Variants in TTLL8 observed in about 807,000 individuals in gnomAD.
TTLL8 encodes the protein tubulin tyrosine ligase like 8.
TTLL8 carries 65 observed loss-of-function variants against 77.8 expected under a neutral mutation model. That is an observed-to-expected ratio of 0.84 (90% CI 0.68 to 1.03). TTLL8 has a LOEUF of 1.03. Ranked by LOEUF, TTLL8 falls within the 50% of genes least tolerant of loss-of-function variation. TTLL8 has a pLI of 0.00. For synonymous variants in TTLL8, 402 were observed against 422.8 expected, an observed-to-expected ratio of 0.95 and a Z score of 0.60; for missense variants, 910 against 1,004.5, an observed-to-expected ratio of 0.91 and a Z score of 1.27.
exon 5 of TTLL8, chr22:50,045,968 G>T (rs759477140): frequency 2.2e-6 from 3 of 1,350,992 alleles, no homozygotes; most frequent in Middle Eastern, 2.1e-4. Flanking sequence ...CGCACAGCCC[G>T]ATCTCCAGAG....
chr22:50,045,514 G>C (rs1233416938), intron 5 of TTLL8, 125 bp from the exon 8 acceptor site: 1 of 834,226 alleles, frequency 1.2e-6, no homozygotes, highest in South Asian at 1.5e-5. Context: ...TGGGGCCCAG[G>C]CCTGCTCCCA....
At chr22:50,045,891 C>G in exon 5 of TTLL8, 2 of 1,360,260 alleles carry the variant, frequency 1.5e-6, no homozygotes, top group Non-Finnish European at 2.0e-6. Flanking sequence ...GGTGCAGAGG[C>G]TGTAGCAGCG....
chr22:50,045,960 C>T (rs2061408351), exon 5 of TTLL8: 1 of 1,355,744 alleles, frequency 7.4e-7, no homozygotes, highest in Non-Finnish European at 9.8e-7. Context: ...CATGTTCACG[C>T]ACAGCCCGAT....
intron 12 of TTLL8, among the ~76,000 whole-genome samples, chr22:50,028,583 CCATGCCCTCGTAAAGACCCCCAT>C: frequency 6.9e-6 from 1 of 144,680 alleles, no homozygotes. Context: ...AAGACCCCCA[CCATGCCCTCGTAAAGACCCCCAT>C]CACACCGTCC....
intron 4 of TTLL8, among the ~76,000 whole-genome samples, 155 bp from the exon 7 acceptor site, chr22:50,046,125 G>A (rs771603595): frequency 1.3e-5 from 2 of 152,214 alleles, no homozygotes; most frequent in Middle Eastern, 3.4e-3. Context: ...CCAGATATAC[G>A]GTCCCCCAGG....
chr22:50,030,440 G>A (rs1395269244), exon 12 of TTLL8: 3 of 1,332,244 alleles, frequency 2.3e-6, no homozygotes, highest in African/African-American at 1.5e-5. Context: ...CTTTTCCTCC[G>A]GGCGGCGGAC....
At chr22:50,027,223 G>A (rs1159751529) in intron 12 of TTLL8, among the ~76,000 whole-genome samples, 7 of 147,352 alleles carry the variant, frequency 4.8e-5, no homozygotes, top group African/African-American at 1.0e-4. Flanking sequence ...GAGACAGAAC[G>A]GGACTCCGTC....
At chr22:50,030,592 G>A (rs1378435722) in exon 12 of TTLL8, 1 of 1,299,726 alleles carries the variant, frequency 7.7e-7, no homozygotes, top group South Asian at 1.3e-5. Context: ...TGGCGACAGG[G>A]GCAGGCCGGG....
exon 12 of TTLL8, chr22:50,030,822 G>C (rs1366172845): frequency 2.2e-6 from 3 of 1,348,058 alleles, no homozygotes; most frequent in Non-Finnish European, 2.0e-6. Context: ...CGAGGCCGAG[G>C]CCTTGAGGTT....
chr22:50,054,813 T>C (rs1165524266), upstream of TTLL8, among the ~76,000 whole-genome samples: 1 of 152,128 alleles, frequency 6.6e-6, no homozygotes, highest in African/African-American at 2.4e-5. Flanking sequence ...ATCCCAGTAT[T>C]TTGGGAGGCC....
chr22:50,033,101 AG>A, intron 10 of TTLL8, 100 bp downstream of exon 11: 2 of 1,230,046 alleles, frequency 1.6e-6, no homozygotes, highest in Admixed American at 2.6e-5. Context: ...GGTGGCAGTG[AG>A]GGGGCCCTGC....
chr22:50,027,576 G>T (rs555849016), intron 12 of TTLL8: 16 of 922,512 alleles, frequency 1.7e-5, no homozygotes, highest in Non-Finnish European at 2.1e-5. Context: ...CCCAAGATCT[G>T]CAGATTCAAG....
At chr22:50,040,923 C>T (rs1601926208) in intron 8 of TTLL8, among the ~76,000 whole-genome samples, 1 of 152,266 alleles carries the variant, frequency 6.6e-6, no homozygotes. Context: ...GAACTGGGCC[C>T]TCAGCAGGGG....
At chr22:50,021,527 G>A (rs567858370) in intron 12 of TTLL8, among the ~76,000 whole-genome samples, 160 of 132,758 alleles carry the variant, frequency 1.2e-3, no homozygotes, top group African/African-American at 4.2e-3. Flanking sequence ...TCCATCTGAC[G>A]TGCACTCCTC....
chr22:50,046,566 C>T (rs1478899366), intron 4 of TTLL8, among the ~76,000 whole-genome samples: 3 of 152,250 alleles, frequency 2.0e-5, no homozygotes, highest in East Asian at 1.9e-4. Context: ...GCAGCGCTGG[C>T]GCTGGCCTGA....
At chr22:50,050,754 A>G (rs1255604708) in intron 1 of TTLL8, among the ~76,000 whole-genome samples, 1 of 152,230 alleles carries the variant, frequency 6.6e-6, no homozygotes, top group Non-Finnish European at 1.5e-5. Context: ...CACTGCATGA[A>G]AAAAGCATTG....
chr22:50,040,563 T>G (rs1435540224), intron 8 of TTLL8, among the ~76,000 whole-genome samples: 2 of 152,230 alleles, frequency 1.3e-5, no homozygotes, highest in Non-Finnish European at 2.9e-5. Flanking sequence ...TGGAAACGTT[T>G]TGTGTCTCAA....
At chr22:50,050,362 C>G (rs1167026158) in intron 1 of TTLL8, 115 bp from the exon 4 acceptor site, 1 of 624,416 alleles carries the variant, frequency 1.6e-6, no homozygotes, top group Admixed American at 3.7e-5. Flanking sequence ...GGGCACCCAT[C>G]ACCCAATATG....
In TTLL8 at chr22:50,034,569, G is replaced by C; in HGVS notation, c.922-107C>G. The C allele has an allele frequency of 2.5e-6, 3 of 1,182,022 alleles. No individual in the cohort carries two copies. Among genetic ancestry groups the C allele is most frequent in the Non-Finnish European group, 3.3e-6 (3 of 899,494 alleles). 73.2% of individuals were successfully genotyped at this position (1,182,022 alleles called of 1,614,324 possible). A position where few individuals can be genotyped will look rare whatever the true frequency, so the allele number is the denominator to read the frequency against. On this transcript the variant is annotated intron_variant, in intron 8 of 13. Coordinates refer to ENST00000266182, the Ensembl canonical transcript of TTLL8. The surrounding 1 kb of genome is among the most constrained non-coding windows in gnomAD (Gnocchi z 4.1). ...GCCTGGGCCCCGCCTCACCCACCAA[G>C]CAGGCGCTCGGCTCTAGGATGGTCT...
Sources: allele counts gnomAD v4.1 joint callset (sites outside exome capture counted in the v4.1 genomes callset), GRCh38; gene constraint gnomAD v4.1.1; non-coding constraint Gnocchi (gnomAD v3.1); transcripts MANE v1.5; gene names NCBI Gene and HGNC (gene_info 2026-07-23, HGNC 2026-07-21).